TJP1: variants seen among roughly 807,000 people sequenced by gnomAD.
TJP1 encodes tight junction protein 1, also known as tight junction protein ZO-1.
In TJP1, 43 loss-of-function variants were observed where a neutral mutation model predicts 194.2. The ratio of observed to expected loss-of-function variants is 0.22; its 90% CI spans 0.17 to 0.29. The LOEUF (loss-of-function observed/expected upper bound fraction) is 0.29. TJP1 is among the 10% of genes least tolerant of loss of function. The pLI is 1.00. For missense variants in TJP1, 1,971 were observed against 2,185.7 expected, an observed-to-expected ratio of 0.90 and a Z score of 1.96; for synonymous variants, 801 against 779.0, an observed-to-expected ratio of 1.03 and a Z score of -0.47.
At chr15:29,818,624 C>T (rs2050099893) in intron 1 of TJP1, among the ~76,000 whole-genome samples, 1 of 151,694 alleles carries the variant, frequency 6.6e-6, no homozygotes, top group African/African-American at 2.4e-5. Flanking sequence ...CCTGCCTCAG[C>T]CTTCCCATTA....
At chr15:29,741,221 G>A (rs1490797132) in intron 10 of TJP1, 110 bp downstream of exon 10, 15 of 727,486 alleles carry the variant, frequency 2.1e-5, no homozygotes, top group Non-Finnish European at 3.2e-5. Context: ...AGTATTAGGT[G>A]GTATGTACTA....
intron 2 of TJP1, among the ~76,000 whole-genome samples, chr15:29,774,005 G>T (rs929282127): frequency 1.7e-4 from 26 of 152,062 alleles, no homozygotes; most frequent in Admixed American, 1.0e-3. Flanking sequence ...GGCCGGTATA[G>T]AAAAAATTCA....
intron 4 of TJP1, among the ~76,000 whole-genome samples, chr15:29,767,854 G>A (rs1409904499): frequency 2.0e-5 from 3 of 151,734 alleles, no homozygotes; most frequent in Non-Finnish European, 4.4e-5. Flanking sequence ...CTTCTCCCTG[G>A]ATGAACAAAA....
chr15:29,919,904 G>A (rs1189738492), intron 2 of TJP1, among the ~76,000 whole-genome samples: 1 of 152,228 alleles, frequency 6.6e-6, no homozygotes, highest in Non-Finnish European at 1.5e-5. Flanking sequence ...TTCCCAGTGG[G>A]GGAGATGACA....
intron 8 of TJP1, among the ~76,000 whole-genome samples, chr15:29,754,515 C>CA (rs1335378224): frequency 6.6e-6 from 1 of 151,730 alleles, no homozygotes; most frequent in Non-Finnish European, 1.5e-5. Flanking sequence ...ACCTAAAAGT[C>CA]AAAAAAATTA....
At chr15:29,870,615 T>G (rs2052479500) in intron 2 of TJP1, among the ~76,000 whole-genome samples, 1 of 152,192 alleles carries the variant, frequency 6.6e-6, no homozygotes, top group Admixed American at 6.5e-5. Context: ...TTGATTAGCC[T>G]TTTTAGCTTG....
intron 2 of TJP1, among the ~76,000 whole-genome samples, chr15:29,859,885 C>T (rs988772859): frequency 1.3e-5 from 2 of 152,098 alleles, no homozygotes; most frequent in Non-Finnish European, 2.9e-5. Flanking sequence ...ATTTTAGGAA[C>T]CGGGATGTTT....
chr15:29,771,023 G>C (rs998815970), intron 4 of TJP1, among the ~76,000 whole-genome samples: 5 of 152,106 alleles, frequency 3.3e-5, no homozygotes, highest in East Asian at 1.9e-4. Context: ...AGTCCTGCAA[G>C]CTCCATTCAT....
chr15:29,829,081 T>C (rs1032725112), intron 2 of TJP1, among the ~76,000 whole-genome samples: 3 of 152,234 alleles, frequency 2.0e-5, no homozygotes, highest in Admixed American at 2.0e-4. Context: ...CTTGGCCGGC[T>C]CTATGTGTGT....
rs189811005 is a variant in TJP1 at position 29,755,480 on chromosome 15, G to T, written c.1010+5659C>A. 1.4e-3 allele frequency among the ~76,000 whole-genome samples: 216 copies of T among 152,224 alleles called. 2 individuals carry two copies. Among genetic ancestry groups the T allele is most frequent in the Admixed American group, 3.1e-3 (47 of 15,288 alleles). ...ATTTAGGCTAAAAATTTCTGATTCA[G>T]AAAATTCAATTTTACTGTCATGTAT... On this transcript the variant is annotated intron_variant, in intron 8 of 27. Coordinates refer to ENST00000614355, the MANE Select transcript of TJP1 (RefSeq NM_001330239.4).
At chr15:29,770,419 C>A (rs532248358) in intron 4 of TJP1, among the ~76,000 whole-genome samples, 1 of 148,970 alleles carries the variant, frequency 6.7e-6, no homozygotes, top group Non-Finnish European at 1.5e-5. Flanking sequence ...GGTGACAGAG[C>A]GAAACCGTGT....
chr15:29,775,732 G>C (rs775522659), intron 2 of TJP1, among the ~76,000 whole-genome samples: 4 of 152,034 alleles, frequency 2.6e-5, no homozygotes, highest in Non-Finnish European at 5.9e-5. Context: ...ATGACTATTA[G>C]AACAGCATTA....
At chr15:29,756,436 T>C (rs117848517) in intron 8 of TJP1, among the ~76,000 whole-genome samples, 1 of 152,216 alleles carries the variant, frequency 6.6e-6, no homozygotes. Flanking sequence ...CTTGGCCATA[T>C]AGTCTCTCTT....
At chr15:29,705,233 G>A (rs1174237842) in intron 26 of TJP1, among the ~76,000 whole-genome samples, 1 of 152,240 alleles carries the variant, frequency 6.6e-6, no homozygotes, top group Non-Finnish European at 1.5e-5. Context: ...CTGATTCAAA[G>A]ACAAATTTGG....
At chr15:29,953,139 G>C (rs566590923) in intron 2 of TJP1, among the ~76,000 whole-genome samples, 3 of 64,774 alleles carry the variant, frequency 4.6e-5, no homozygotes, top group African/African-American at 1.5e-4. Context: ...AAAGAAGACA[G>C]ATTTTTTTTT....
At chr15:29,718,227 G>A (rs999763645) in intron 21 of TJP1, 39 bp downstream of exon 21, 7 of 1,598,794 alleles carry the variant, frequency 4.4e-6, no homozygotes, top group Admixed American at 1.7e-5. Context: ...CCTTTTAAAC[G>A]GTGTGCCCAT....
At chr15:29,881,840 C>T (rs1596174535) in intron 2 of TJP1, among the ~76,000 whole-genome samples, 2 of 152,006 alleles carry the variant, frequency 1.3e-5, no homozygotes, top group African/African-American at 2.4e-5. Context: ...TACCTATATA[C>T]ACCAGTCCTA....
intron 2 of TJP1, among the ~76,000 whole-genome samples, chr15:29,850,308 T>G (rs1282937245): frequency 6.6e-6 from 1 of 152,262 alleles, no homozygotes; most frequent in East Asian, 1.9e-4. Context: ...TTTTAGAGAC[T>G]TTGTGAAATA....
At chr15:29,772,396 A>G (rs1306011561) in intron 3 of TJP1, among the ~76,000 whole-genome samples, 1 of 152,370 alleles carries the variant, frequency 6.6e-6, no homozygotes, top group East Asian at 1.9e-4. Flanking sequence ...AGTCATTAAC[A>G]AAGTATTTCC....
Sources: allele counts gnomAD v4.1 joint callset (sites outside exome capture counted in the v4.1 genomes callset), GRCh38; gene constraint gnomAD v4.1.1; transcripts MANE v1.5; gene names NCBI Gene and HGNC (gene_info 2026-07-23, HGNC 2026-07-21).